PEX6: variants seen among roughly 807,000 people sequenced by gnomAD.
PEX6 encodes the protein peroxisome biogenesis factor 6.
A neutral mutation model predicts 85.6 loss-of-function variants in PEX6; 55 were observed. That is an observed-to-expected ratio of 0.64 (90% CI 0.52 to 0.80). The LOEUF is 0.80. Ranked by LOEUF, PEX6 falls within the 30% of genes least tolerant of loss-of-function variation. The pLI, the probability that PEX6 is intolerant of heterozygous loss-of-function variation, is 0.00. For synonymous variants in PEX6, 519 were observed against 549.1 expected, an observed-to-expected ratio of 0.95 and a Z score of 0.77; for missense variants, 1,099 against 1,260.3, an observed-to-expected ratio of 0.87 and a Z score of 1.94.
chr6:42,975,863 G>T (rs1395473518), intron 1 of PEX6, among the ~76,000 whole-genome samples: 1 of 151,846 alleles, frequency 6.6e-6, no homozygotes, highest in African/African-American at 2.4e-5. Context: ...ATAGGCATGT[G>T]CACCACCATG....
intron 2 of PEX6, among the ~76,000 whole-genome samples, chr6:42,974,603 GC>G (rs1460134806): frequency 4.0e-5 from 6 of 151,318 alleles, no homozygotes; most frequent in Admixed American, 4.0e-4. Flanking sequence ...GACTACAGGC[GC>G]CCACCACCAC....
rs200258260 is a variant in PEX6, at chr6:42,965,039, C to T, written c.2666+36G>A. On this transcript the variant is annotated intron_variant, in intron 15 of 16. Transcript: ENST00000304611. This position sits in a 1 kb window ranked among gnomAD's most constrained non-coding sequence, Gnocchi z 5.0. Reference sequence around the variant, plus strand: ...ATGCATCCCCTAAGCATCCCAAGGCCCAAGCCCTTCGCAGTCTTCCTCTAA... The same window carrying T: ...ATGCATCCCCTAAGCATCCCAAGGCTCAAGCCCTTCGCAGTCTTCCTCTAA... 1 of 1,613,046 alleles carries T rather than the reference C, an allele frequency of 6.2e-7. No homozygotes were observed. The highest frequency in any genetic ancestry group is 1.3e-5 in the African/African-American group (1 of 74,914).
intron 3 of PEX6, among the ~76,000 whole-genome samples, chr6:42,970,743 C>T (rs1338504984): frequency 6.6e-6 from 1 of 152,090 alleles, no homozygotes; most frequent in East Asian, 1.9e-4. Flanking sequence ...TAAAATTAAC[C>T]TTTCTCCTTC....
rs371782808 is a variant in PEX6, at chr6:42,968,428, C to T, written c.1550G>A (p.Arg517Gln). Reference protein sequence around the residue: ...VETKLQAIFSRARRCRPAVLL... With the variant: ...VETKLQAIFSQARRCRPAVLL... ...GACTGCAGGCCGGCAACGGCGGGCC[C>T]GGGAGAAGATGGCCTGCAGTTTTGT... Residue 517 changes from arginine to glutamine, a missense_variant, in exon 7 of 17, where the codon CGG becomes CAG. By Grantham distance (43) the Arg-to-Gln change is conservative (BLOSUM62 1). Coordinates refer to ENST00000304611, the MANE Select transcript of PEX6 (RefSeq NM_000287.4). 3.0e-5 allele frequency: 48 copies of T among 1,611,736 alleles called. No homozygotes were observed. Among genetic ancestry groups the T allele is most frequent in the East Asian group, 4.5e-5 (2 of 44,790 alleles).
At chr6:42,968,742 G>T in intron 6 of PEX6, 132 bp downstream of exon 6, 1 of 814,370 alleles carries the variant, frequency 1.2e-6, no homozygotes, top group Non-Finnish European at 2.2e-6. Context: ...ATGGGAATAT[G>T]CCTGACCCAC....
rs774701378 is a variant in PEX6 at position 42,969,970 on chromosome 6, A to G, written c.1148T>C (p.Phe383Ser). ...TTCCCCAACTGTTTTCTTCACTTTA[A>G]AAAACATTTCCCGCCACCTGCAGGA... ...EKLPRWREMF[F>S]KVKKTVGEAP... Residue 383 changes from phenylalanine (F) to serine (S), a missense_variant, in exon 4 of 17, where the codon TTT becomes TCT. This residue lies in a region of PEX6 where 579 missense variants were observed against 611.6 expected (regional missense o/e 0.95). Transcript: ENST00000304611. 1 of 1,614,148 alleles carries G rather than the reference A, an allele frequency of 6.2e-7. No homozygotes were observed. Among genetic ancestry groups the G allele is most frequent in the Non-Finnish European group, 8.5e-7 (1 of 1,179,998 alleles).
At position 42,965,896 on chromosome 6, in the gene PEX6, TC is replaced by T; in HGVS notation, c.2363-108del. ...GGGGCCTGACAATACAGCACTGGCA[TC>T]CCAGGTACTAGACCCAGCTGGGCAG... On this transcript the variant is annotated intron_variant, in intron 12 of 16. Transcript: ENST00000304611. The surrounding 1 kb of genome is among the most constrained non-coding windows in gnomAD (Gnocchi z 5.0). 7.8e-7 allele frequency: 1 copy of T among 1,276,788 alleles called. No individual in the cohort carries two copies. The highest frequency in any genetic ancestry group is 1.1e-6 in the Non-Finnish European group (1 of 877,454). The allele number at this position is 1,276,788 out of a possible 1,614,324, so 79.1% of individuals were successfully genotyped here.
intron 1 of PEX6, among the ~76,000 whole-genome samples, chr6:42,976,485 C>T (rs1280350116): frequency 6.6e-6 from 1 of 152,080 alleles, no homozygotes; most frequent in Non-Finnish European, 1.5e-5. Context: ...GCTTCAGCCT[C>T]CCCAGTTGTT....
rs1379751437 is a variant in PEX6 at position 42,978,458 on chromosome 6, T to C, written c.693A>G (p.Ser231=). 5.0e-6 allele frequency: 8 copies of C among 1,614,002 alleles called. No homozygotes were observed. The highest frequency in any genetic ancestry group is 5.9e-6 in the Non-Finnish European group (7 of 1,180,024). ...EWVWVAQARE[S]SNTSQPHLAR... is the part of the protein sequence containing the mutation. ...CCAAGTGCGGCTGTGAAGTGTTCGA[T>C]GACTCTCTGGCCTGGGCCACCCACA... Residue 231 remains serine (S), a synonymous_variant, in exon 1 of 17, where the codon TCA becomes TCG. Transcript: ENST00000304611.
In PEX6 at chr6:42,964,609, G is replaced by GTTT; in HGVS notation, c.2807-141_2807-139dup. The GTTT allele has an allele frequency of 8.4e-7, 1 of 1,190,252 alleles. No individual in the cohort carries two copies. Among genetic ancestry groups the GTTT allele is most frequent in the Non-Finnish European group, 1.2e-6 (1 of 842,306 alleles). The allele number at this position is 1,190,252 out of a possible 1,614,324, so 73.7% of individuals were successfully genotyped here. ...CCAGGACTAGGTTTGTCTCCCACTA[G>GTTT]TTTTTTTTTTCCCTTAAACATTTTT... On this transcript the variant is annotated intron_variant, in intron 16 of 16. Transcript: ENST00000304611. The surrounding 1 kb of genome is among the most constrained non-coding windows in gnomAD (Gnocchi z 4.6).
rs1554128461 is a variant in PEX6, at chr6:42,978,643, ACT to A, written c.506_507del (p.Glu169ValfsTer72). The A allele has an allele frequency of 1.9e-6, 3 of 1,579,814 alleles. No individual in the cohort carries two copies. Among genetic ancestry groups the A allele is most frequent in the Non-Finnish European group, 8.6e-7 (1 of 1,169,168 alleles). Reference protein sequence around the residue: ...ELRGRARLCPESGDSSRPPPP... With the variant: ...ELRGRARLCPXSGDSSRPPPP... ...GGTGGGGGCCGACTGCTGTCCCCAG[ACT>A]CTGGACACAGTCTGGCCCGCCCGCG... On this transcript the variant is annotated frameshift_variant, in exon 1 of 17. Transcript: ENST00000304611. LOFTEE classifies it high-confidence loss of function.
chr6:42,976,362 T>A (rs1489600937), intron 1 of PEX6, among the ~76,000 whole-genome samples: 1 of 151,830 alleles, frequency 6.6e-6, no homozygotes, highest in African/African-American at 2.4e-5. Flanking sequence ...AAACACAACT[T>A]TCATTTTTTT....
In PEX6 at chr6:42,968,495, G is replaced by A. The variant is rs1168191307; in HGVS notation, c.1483C>T (p.Pro495Ser). Reference sequence around the variant, plus strand: ...CTTTCTGCACAGAGGCTGGAGCAGGGCACCTGGGGAGGGGATCCCAATGGG... The same window carrying A: ...CTTTCTGCACAGAGGCTGGAGCAGGACACCTGGGGAGGGGATCCCAATGGG... ...SHLGLHLLKV[P>S]CSSLCAESSG... Residue 495 changes from proline to serine, a missense_variant, in exon 7 of 17, where the codon CCC (proline) becomes TCC (serine). Pro to Ser is a moderately conservative substitution (Grantham distance 74, BLOSUM62 -1). This residue lies in a region of PEX6 where 514 missense variants were observed against 627.0 expected (regional missense o/e 0.82). Transcript: ENST00000304611. The A allele has an allele frequency of 2.5e-6, 4 of 1,569,536 alleles. No homozygotes were observed. The highest frequency in any genetic ancestry group is 1.2e-5 in the South Asian group (1 of 86,368).
chr6:42,977,950 T>A (rs1229423831), intron 1 of PEX6, among the ~76,000 whole-genome samples: 1 of 151,142 alleles, frequency 6.6e-6, no homozygotes, highest in Non-Finnish European at 1.5e-5. Context: ...TTCAAGCGAT[T>A]CTCCTGCTTC....
At position 42,971,557 on chromosome 6, in the gene PEX6, G is replaced by C. The variant is rs1235536256; in HGVS notation, c.1131-1570C>G. On this transcript the variant is annotated intron_variant, in intron 3 of 16. Coordinates refer to ENST00000304611, the MANE Select transcript of PEX6 (RefSeq NM_000287.4). This position sits in a 1 kb window ranked among gnomAD's most constrained non-coding sequence, Gnocchi z 4.4. ...CTGGTTTGGGGAAGTGGAGCACCAGGGACAGGATGAAGAGGCTACACCAAC... is the reference window on the plus strand; with the variant it reads ...CTGGTTTGGGGAAGTGGAGCACCAGCGACAGGATGAAGAGGCTACACCAAC... Among the ~76,000 whole-genome samples, 1 of 152,184 alleles carries C rather than the reference G, an allele frequency of 6.6e-6. No individual in the cohort carries two copies. The highest frequency in any genetic ancestry group is 6.5e-5 in the Admixed American group (1 of 15,280).
intron 7 of PEX6, 116 bp downstream of exon 7, chr6:42,968,174 T>C: frequency 1.2e-6 from 1 of 851,296 alleles, no homozygotes; most frequent in Non-Finnish European, 2.0e-6. Context: ...CTTGAACTCC[T>C]GATCAAGGCA....
rs1303897791 is a variant in PEX6 at position 42,965,845 on chromosome 6, G to A, written c.2363-56C>T. ...AAAGCTCGGCTTGTGGGGGGTTGAA[G>A]TTAGGTGAGAGCAGGGAGGGAAACT... On this transcript the variant is annotated intron_variant, in intron 12 of 16. Transcript: ENST00000304611. The surrounding 1 kb of genome is among the most constrained non-coding windows in gnomAD (Gnocchi z 5.0). 2.2e-5 allele frequency: 33 copies of A among 1,496,034 alleles called. 1 individual carries two copies. Among genetic ancestry groups the A allele is most frequent in the Non-Finnish European group, 2.8e-5 (30 of 1,074,038 alleles). The allele number at this position is 1,496,034 out of a possible 1,614,324, so 92.7% of individuals were successfully genotyped here. A position where few individuals can be genotyped will look rare whatever the true frequency, so the allele number is the denominator to read the frequency against.
rs1769664113 is a variant in PEX6 at position 42,964,638 on chromosome 6, A to G, written c.2806+152T>C. On this transcript the variant is annotated intron_variant, in intron 16 of 16. Transcript: ENST00000304611. The surrounding 1 kb of genome is among the most constrained non-coding windows in gnomAD (Gnocchi z 4.6). ...TTTTTTTCCCTTAAACATTTTTTTT[A>G]GAGTTGGGGTCTCTCTGTGTTGCCC... 1.6e-6 allele frequency: 2 copies of G among 1,242,392 alleles called. No individual in the cohort carries two copies. The highest frequency in any genetic ancestry group is 2.5e-5 in the South Asian group (2 of 78,802). 77.0% of individuals were successfully genotyped at this position (1,242,392 alleles called of 1,614,324 possible). A position where few individuals can be genotyped will look rare whatever the true frequency, so the allele number is the denominator to read the frequency against.
At position 42,965,423 on chromosome 6, in the gene PEX6, C is replaced by A; in HGVS notation, c.2472-55G>T. On this transcript the variant is annotated intron_variant, in intron 13 of 16. Transcript: ENST00000304611. The surrounding 1 kb of genome is among the most constrained non-coding windows in gnomAD (Gnocchi z 5.0). ...CTTGGTGTCCCCCTTAGACTCTGCC[C>A]CTGCCTGTGGTACCTCTCTTTACAG... 1 of 1,328,216 alleles carries A rather than the reference C, an allele frequency of 7.5e-7. No homozygotes were observed. The highest frequency in any genetic ancestry group is 1.2e-5 in the South Asian group (1 of 85,174). 82.3% of individuals were successfully genotyped at this position (1,328,216 alleles called of 1,614,324 possible). A position where few individuals can be genotyped will look rare whatever the true frequency, so the allele number is the denominator to read the frequency against.
Sources: allele counts gnomAD v4.1 joint callset (sites outside exome capture counted in the v4.1 genomes callset), GRCh38; gene constraint gnomAD v4.1.1; regional missense constraint gnomAD v4.1.1; non-coding constraint Gnocchi (gnomAD v3.1); transcripts MANE v1.5; gene names NCBI Gene and HGNC (gene_info 2026-07-23, HGNC 2026-07-21).